EGFR: variants seen among roughly 807,000 people sequenced by gnomAD.
EGFR encodes epidermal growth factor receptor, also known as avian erythroblastic leukemia viral (v-erb-b) oncogene homolog.
Under a neutral mutation model 143.0 loss-of-function variants are expected in EGFR, and 58 were observed. The observed-to-expected ratio is 0.41, with a 90% CI of 0.33 to 0.50. EGFR has a LOEUF of 0.50. EGFR is among the 20% of genes least tolerant of loss of function. The pLI is 0.39. For synonymous variants in EGFR, 613 were observed against 594.4 expected (o/e 1.03, Z -0.45); for missense variants, 1,307 against 1,579.0 (o/e 0.83, Z 2.92).
At chr7:55,049,891 C>T (rs1156996742) in intron 1 of EGFR, among the ~76,000 whole-genome samples, 1 of 152,092 alleles carries the variant, frequency 6.6e-6, no homozygotes, top group Admixed American at 6.5e-5. Context: ...CCACTCATGA[C>T]CTCACATCTG....
intron 6 of EGFR, among the ~76,000 whole-genome samples, chr7:55,153,111 AG>A (rs1785240544): frequency 6.6e-6 from 1 of 152,180 alleles, no homozygotes; most frequent in Non-Finnish European, 1.5e-5. Flanking sequence ...ACCCATGGAG[AG>A]CCACACAGGT....
rs556794990 is a variant in EGFR at position 55,165,290 on chromosome 7, A to G, written c.1733A>G (p.Asn578Ser). 1.2e-6 allele frequency: 2 copies of G among 1,614,118 alleles called. No individual in the cohort carries two copies. Among genetic ancestry groups the G allele is most frequent in the African/African-American group, 1.3e-5 (1 of 75,032 alleles). The change falls in exon 15 of 28, where the codon AAC becomes AGC. Residue 578 changes from asparagine (N) to serine (S), a missense_variant. Physicochemically the swap from Asn to Ser is conservative, Grantham distance 46. Around this residue, in one of 7 missense-constraint regions of EGFR, gnomAD observed 250 missense variants for 295.1 expected, o/e 0.85. Transcript: ENST00000275493. Reference sequence around the variant, plus strand: ...TCCACCTTGGTGCAGGGACCAGACAACTGTATCCAGTGTGCCCACTACATT... The same window carrying G: ...TCCACCTTGGTGCAGGGACCAGACAGCTGTATCCAGTGTGCCCACTACATT... The part of the protein sequence containing the change: ...NITCTGRGPD[N>S]CIQCAHYIDG...
rs17337451 is a variant in EGFR, at chr7:55,200,351, C to G, written c.2884C>G (p.Arg962Gly). ...AGACGCAGATAGTCGCCCAAAGTTC[C>G]GTGAGTTGATCATCGAATTCTCCAA... Reference protein sequence around the residue: ...MIDADSRPKFRELIIEFSKMA... With the variant: ...MIDADSRPKFGELIIEFSKMA... Residue 962 changes from arginine (R) to glycine (G), a missense_variant, in exon 24 of 28, where the codon CGT becomes GGT. Arg to Gly is a moderately radical substitution (Grantham distance 125). This residue lies in a region of EGFR where 348 missense variants were observed against 451.5 expected (regional missense o/e 0.77). Transcript: ENST00000275493. 1.1e-5 allele frequency: 17 copies of G among 1,614,036 alleles called. No individual in the cohort carries two copies. In the African/African-American group the frequency reaches 2.1e-4, roughly 20 times the overall value.
At chr7:55,072,555 TC>T (rs1789894541) in intron 1 of EGFR, among the ~76,000 whole-genome samples, 1 of 152,222 alleles carries the variant, frequency 6.6e-6, no homozygotes, top group South Asian at 2.1e-4. Flanking sequence ...CTGATGCCGT[TC>T]CCTTTTTTAG....
intron 1 of EGFR, chr7:55,043,836 A>C (rs1197927764): frequency 1.3e-5 from 2 of 152,220 alleles, no homozygotes; most frequent in African/African-American, 4.8e-5. Context: ...TTTGCAGTTA[A>C]TGATCCTTTG....
intron 22 of EGFR, among the ~76,000 whole-genome samples, chr7:55,193,918 G>T (rs1787507448): frequency 6.6e-6 from 1 of 152,104 alleles, no homozygotes; most frequent in South Asian, 2.1e-4. Context: ...TAAGATTTAT[G>T]ATACAAAGGC....
intron 1 of EGFR, among the ~76,000 whole-genome samples, chr7:55,136,176 C>T (rs903823987): frequency 5.9e-5 from 9 of 152,122 alleles, no homozygotes; most frequent in African/African-American, 1.9e-4. Flanking sequence ...CTGGCAAACT[C>T]GCTATATTTT....
intron 20 of EGFR, among the ~76,000 whole-genome samples, chr7:55,184,913 G>C (rs181446788): frequency 6.6e-6 from 1 of 152,172 alleles, no homozygotes; most frequent in African/African-American, 2.4e-5. Context: ...CTTTTTAAAC[G>C]TTTGAAGTAA....
At chr7:55,135,367 A>G (rs544964124) in intron 1 of EGFR, among the ~76,000 whole-genome samples, 4 of 152,184 alleles carry the variant, frequency 2.6e-5, no homozygotes, top group Admixed American at 2.6e-4. Context: ...ATTATAATGT[A>G]CATGGAAGAT....
intron 1 of EGFR, among the ~76,000 whole-genome samples, chr7:55,111,861 T>A (rs902007871): frequency 3.3e-5 from 5 of 152,230 alleles, no homozygotes; most frequent in African/African-American, 1.2e-4. Context: ...TGAAACATAT[T>A]CCTTTGCTTC....
At chr7:55,119,338 A>G (rs1265991848) in intron 1 of EGFR, 1 of 152,256 alleles carries the variant, frequency 6.6e-6, no homozygotes, top group Non-Finnish European at 1.5e-5. Context: ...ACAATAAGCC[A>G]TGACATAGAG....
intron 1 of EGFR, among the ~76,000 whole-genome samples, chr7:55,042,747 G>C (rs1159835923): frequency 6.6e-6 from 1 of 152,054 alleles, no homozygotes; most frequent in African/African-American, 2.4e-5. Flanking sequence ...ATGATAACAG[G>C]TCAAACTTTG....
chr7:55,034,836 G>C (rs77374514), intron 1 of EGFR, among the ~76,000 whole-genome samples: 1 of 152,188 alleles, frequency 6.6e-6, no homozygotes, highest in African/African-American at 2.4e-5. Context: ...CACCAAACAT[G>C]GAAAAGCTAA....
At chr7:55,095,073 G>A (rs1791369845) in intron 1 of EGFR, among the ~76,000 whole-genome samples, 1 of 152,112 alleles carries the variant, frequency 6.6e-6, no homozygotes, top group Non-Finnish European at 1.5e-5. Context: ...AAGAAAGCAA[G>A]GACACAGAGG....
chr7:55,174,614 C>T (rs2128954344), intron 18 of EGFR, 108 bp from the exon 19 acceptor site: 2 of 957,392 alleles, frequency 2.1e-6, no homozygotes, highest in Non-Finnish European at 3.4e-6. Context: ...GCCCCAGTGT[C>T]CCTCACCTTC....
chr7:55,171,205 A>T lies in EGFR; in HGVS notation c.1911A>T (p.Pro637=), dbSNP rs1786333684. The stretch of plus-strand genomic sequence containing the variant: ...CTGGGCCAGGTCTTGAAGGCTGTCC[A>T]ACGAATGGGTAAGTGTTCACAGCTC... ...GCTGPGLEGC[P]TNGPKIPSIA... is the part of the protein sequence containing the mutation. The change falls in exon 16 of 28, where the codon CCA becomes CCT. Residue 637 remains proline, a synonymous_variant. Coordinates refer to ENST00000275493, the MANE Select transcript of EGFR (RefSeq NM_005228.5). The T allele has an allele frequency of 6.2e-7, 1 of 1,614,114 alleles. No homozygotes were observed. Among genetic ancestry groups the T allele is most frequent in the African/African-American group, 1.3e-5 (1 of 74,946 alleles).
chr7:55,161,171 G>C (rs1785678415), intron 12 of EGFR, among the ~76,000 whole-genome samples: 1 of 152,208 alleles, frequency 6.6e-6, no homozygotes, highest in Non-Finnish European at 1.5e-5. Context: ...AGTCCCATCT[G>C]GTTTAATTGA....
intron 1 of EGFR, among the ~76,000 whole-genome samples, chr7:55,074,740 T>G (rs1055352501): frequency 3.9e-5 from 6 of 152,214 alleles, no homozygotes; most frequent in African/African-American, 4.8e-5. Flanking sequence ...TTAAATCAAT[T>G]AGTAAGCAAA....
intron 1 of EGFR, among the ~76,000 whole-genome samples, chr7:55,104,576 C>T (rs1321515420): frequency 3.9e-5 from 6 of 152,142 alleles, no homozygotes; most frequent in Non-Finnish European, 8.8e-5. Flanking sequence ...CACTGTCTAC[C>T]GCATGCGGTA....
Sources: allele counts gnomAD v4.1 joint callset (sites outside exome capture counted in the v4.1 genomes callset), GRCh38; gene constraint gnomAD v4.1.1; regional missense constraint gnomAD v4.1.1; transcripts MANE v1.5; gene names NCBI Gene and HGNC (gene_info 2026-07-23, HGNC 2026-07-21).